The following PIK3CB variants were observed in gnomAD, a reference collection of about 807,000 sequenced individuals.
The protein encoded by PIK3CB is phosphatidylinositol 4,5-bisphosphate 3-kinase catalytic subunit beta isoform.
In PIK3CB, 39 loss-of-function variants were observed where a neutral mutation model predicts 136.8. The ratio of observed to expected loss-of-function variants is 0.29; its 90% confidence interval spans 0.22 to 0.37. The LOEUF (loss-of-function observed/expected upper bound fraction) is 0.37, where lower values mean the gene tolerates loss of function less well. Ranked by LOEUF, PIK3CB falls within the 10% of genes least tolerant of loss-of-function variation. The pLI, the probability that PIK3CB is intolerant of heterozygous loss-of-function variation, is 1.00. For synonymous variants in PIK3CB, 428 were observed against 436.6 expected (o/e 0.98, Z 0.25); for missense variants, 868 against 1,275.4 (o/e 0.68, Z 4.87).
intron 19 of PIK3CB, 70 bp downstream of exon 19, chr3:138,681,897 A>G: frequency 2.3e-6 from 2 of 885,068 alleles, no homozygotes; most frequent in South Asian, 3.1e-5. Flanking sequence ...GAAGGAATTA[A>G]CAAGAAATTC....
chr3:138,690,130 GA>G (rs1432240815), intron 15 of PIK3CB, among the ~76,000 whole-genome samples: 5 of 150,496 alleles, frequency 3.3e-5, no homozygotes, highest in Non-Finnish European at 5.9e-5. Context: ...AAAAAGAGTG[GA>G]AAAAAATATA....
chr3:138,711,566 C>T (rs184020663), intron 10 of PIK3CB, among the ~76,000 whole-genome samples: 1 of 104,186 alleles, frequency 9.6e-6, no homozygotes, highest in Admixed American at 1.5e-4. Flanking sequence ...GCAACAAGAG[C>T]GAAACTCCGT....
intron 19 of PIK3CB, among the ~76,000 whole-genome samples, chr3:138,674,326 T>C (rs1289813557): frequency 2.0e-5 from 3 of 152,126 alleles, no homozygotes; most frequent in African/African-American, 7.2e-5. Flanking sequence ...CCAGGCTGAC[T>C]GTTGAAGGCA....
chr3:138,721,215 T>G (rs1291323450), intron 8 of PIK3CB, among the ~76,000 whole-genome samples: 2 of 151,870 alleles, frequency 1.3e-5, no homozygotes, highest in Non-Finnish European at 2.9e-5. Context: ...CACGCTGGAG[T>G]GCAATGGCAT....
chr3:138,663,876 G>GC (rs2043352517), intron 21 of PIK3CB, 30 bp downstream of exon 21: 1 of 1,607,182 alleles, frequency 6.2e-7, no homozygotes, highest in African/African-American at 1.3e-5. Context: ...CATTACTAAG[G>GC]CCCTTGGCAG....
At chr3:138,767,214 C>A (rs1320378101) in intron 2 of PIK3CB, among the ~76,000 whole-genome samples, 1 of 152,064 alleles carries the variant, frequency 6.6e-6, no homozygotes, top group African/African-American at 2.4e-5. Context: ...ACAAGCTTTT[C>A]AAATACATAG....
At chr3:138,798,494 A>G (rs1458963834) in intron 1 of PIK3CB, among the ~76,000 whole-genome samples, 1 of 152,170 alleles carries the variant, frequency 6.6e-6, no homozygotes, top group African/African-American at 2.4e-5. Context: ...CTTTATTTAT[A>G]TAAAGAAACT....
At chr3:138,665,854 G>C (rs1052921865) in intron 19 of PIK3CB, among the ~76,000 whole-genome samples, 4 of 152,170 alleles carry the variant, frequency 2.6e-5, no homozygotes, top group Non-Finnish European at 5.9e-5. Flanking sequence ...ACAGGTGTGA[G>C]CCACCACATC....
chr3:138,707,208 T>G lies in PIK3CB; in HGVS notation c.1481A>C (p.Lys494Thr). The G allele has an allele frequency of 1.2e-6, 2 of 1,613,150 alleles. No homozygotes were observed. Among genetic ancestry groups the G allele is most frequent in the Middle Eastern group, 1.7e-4 (1 of 6,060 alleles). Reference protein sequence around the residue: ...YTENATALHVKFPENKKQPYY... With the variant: ...YTENATALHVTFPENKKQPYY... ...AGGTTGTTTTTTATTCTCTGGAAAT[T>G]TAACATGCAAAGCTGTTGCATTTTC... The change falls in exon 11 of 24, where the codon AAA (lysine) becomes ACA (threonine). Residue 494 changes from lysine to threonine, a missense_variant. Around this residue, in one of 4 missense-constraint regions of PIK3CB, gnomAD observed 612 missense variants for 801.1 expected, o/e 0.76. Coordinates refer to ENST00000674063, the MANE Select transcript of PIK3CB (RefSeq NM_006219.3).
At chr3:138,801,274 G>T (rs2046171774) in intron 1 of PIK3CB, among the ~76,000 whole-genome samples, 1 of 152,160 alleles carries the variant, frequency 6.6e-6, no homozygotes, top group Non-Finnish European at 1.5e-5. Context: ...ACACAGGAAT[G>T]AGCAGTTGTA....
At chr3:138,700,593 A>G (rs2044228869) in intron 12 of PIK3CB, among the ~76,000 whole-genome samples, 1 of 151,704 alleles carries the variant, frequency 6.6e-6, no homozygotes, top group Admixed American at 6.6e-5. Flanking sequence ...GAAAGAAAAA[A>G]GAGATGAATG....
intron 1 of PIK3CB, among the ~76,000 whole-genome samples, chr3:138,813,175 G>T (rs1933152805): frequency 6.6e-6 from 1 of 151,914 alleles, no homozygotes; most frequent in Admixed American, 6.6e-5. Flanking sequence ...TTTTTAGGAG[G>T]GGCTACAATT....
At chr3:138,711,983 T>C (rs1156391927) in intron 10 of PIK3CB, among the ~76,000 whole-genome samples, 6 of 151,616 alleles carry the variant, frequency 4.0e-5, no homozygotes, top group East Asian at 1.9e-4. Flanking sequence ...AAATAAAATA[T>C]AGGCCGATTT....
chr3:138,828,086 G>A (rs1933862958), intron 1 of PIK3CB, among the ~76,000 whole-genome samples: 1 of 152,094 alleles, frequency 6.6e-6, no homozygotes, highest in African/African-American at 2.4e-5. Flanking sequence ...ACCAAAAAAA[G>A]GGGGAAGTGT....
At chr3:138,684,099 T>C (rs2043835089) in intron 17 of PIK3CB, among the ~76,000 whole-genome samples, 2 of 152,252 alleles carry the variant, frequency 1.3e-5, no homozygotes, top group South Asian at 2.1e-4. Flanking sequence ...AATAAAAAAT[T>C]AGAACAAATC....
Position 138,693,965 on chromosome 3 carries a change from ATTAT to A in PIK3CB, c.1892+817_1892+820del, listed in dbSNP as rs1405056246. 8.4e-4 allele frequency among the ~76,000 whole-genome samples: 23 copies of A among 27,412 alleles called. 1 individual carries two copies. Among genetic ancestry groups the A allele is most frequent in the African/African-American group, 5.5e-3 (23 of 4,202 alleles). 18.0% of individuals were successfully genotyped at this position (27,412 alleles called of 152,430 possible). On this transcript the variant is annotated intron_variant, in intron 14 of 23. Coordinates refer to ENST00000674063, the MANE Select transcript of PIK3CB (RefSeq NM_006219.3). ...TATATATATATATATATATATATAT[ATTAT>A]ATATATATATATATATATATATATT...
intron 13 of PIK3CB, among the ~76,000 whole-genome samples, chr3:138,696,468 G>A (rs1480330444): frequency 1.3e-5 from 2 of 152,104 alleles, no homozygotes; most frequent in Non-Finnish European, 2.9e-5. Flanking sequence ...TTACAGGCTT[G>A]AGCCACCATA....
In PIK3CB at chr3:138,667,397, A is replaced by G. The variant is rs190586246; in HGVS notation, c.2505-2194T>C. Among the ~76,000 whole-genome samples the G allele has an allele frequency of 2.2e-3, 327 of 151,966 alleles. 1 individual carries two copies. Among genetic ancestry groups the G allele is most frequent in the Middle Eastern group, 0.014 (4 of 294 alleles). On this transcript the variant is annotated intron_variant, in intron 19 of 23. Coordinates refer to ENST00000674063, the MANE Select transcript of PIK3CB (RefSeq NM_006219.3). ...AAAGCACTGAGAAAGCTTCCGAAGG[A>G]CTTTATGAGCGACAAAGAGAGGCTG...
At chr3:138,690,977 A>C in intron 15 of PIK3CB, 23 bp downstream of exon 15, 3 of 1,585,894 alleles carry the variant, frequency 1.9e-6, no homozygotes, top group East Asian at 2.2e-5. Flanking sequence ...TGGTGGGCTC[A>C]AAGTAAAATA....
Sources: gnomAD v4.1 joint callset for allele counts (sites outside exome capture counted in the v4.1 genomes callset) on GRCh38, gnomAD v4.1.1 for gene constraint, gnomAD v4.1.1 regional missense constraint, MANE v1.5 for transcripts, NCBI Gene and HGNC (gene_info 2026-07-23, HGNC 2026-07-21) for gene names.